Variants in PCYT1A observed in about 807,000 individuals in gnomAD.
PCYT1A encodes choline-phosphate cytidylyltransferase A.
Under a neutral mutation model 43.7 loss-of-function variants are expected in PCYT1A, and 25 were observed. That is an observed-to-expected ratio of 0.57 (90% confidence interval 0.42 to 0.80). PCYT1A has a LOEUF of 0.80. PCYT1A is among the 30% of genes least tolerant of loss of function. The pLI is 0.00. For synonymous variants in PCYT1A, 172 were observed against 170.7 expected, an observed-to-expected ratio of 1.01 and a Z score of -0.06; for missense variants, 421 against 474.2, an observed-to-expected ratio of 0.89 and a Z score of 1.04.
intron 5 of PCYT1A, among the ~76,000 whole-genome samples, chr3:196,245,534 A>C (rs1429775072): frequency 6.6e-6 from 1 of 151,774 alleles, no homozygotes; most frequent in Admixed American, 6.6e-5. Context: ...AACTTCACTT[A>C]CTCCTTCCTG....
chr3:196,245,098 A>AAATAAAT (rs949866259), intron 5 of PCYT1A, among the ~76,000 whole-genome samples: 1 of 151,592 alleles, frequency 6.6e-6, no homozygotes, highest in African/African-American at 2.4e-5. Flanking sequence ...AAAAATACAT[A>AAATAAAT]AATAAATAAA....
In PCYT1A at chr3:196,238,451, G is replaced by GA. The variant is rs988140355; in HGVS notation, c.*236_*237insT. ...ACAGTGAAACAAAGCCCTTGGGGGG[G>GA]GGTAAATGGATGCAGAGCAGGCTTC... On this transcript the variant is annotated 3_prime_UTR_variant, in exon 9 of 9. Coordinates refer to ENST00000431016, the MANE Select transcript of PCYT1A (RefSeq NM_001312673.2). 8.2e-6 allele frequency: 3 copies of GA among 364,266 alleles called. No individual in the cohort carries two copies. The highest frequency in any genetic ancestry group is 4.2e-5 in the African/African-American group (2 of 47,750). 22.6% of individuals were successfully genotyped at this position (364,266 alleles called of 1,614,324 possible).
rs1404319157 is a variant in PCYT1A, at chr3:196,237,861, T to C, written c.*827A>G. ...TATTGTCCCGCTCCTCTCCTCATCA[T>C]TGTAACTCTAAAAGTGTTCCTTCCT... On this transcript the variant is annotated 3_prime_UTR_variant, in exon 9 of 9. Coordinates refer to ENST00000431016, the MANE Select transcript of PCYT1A (RefSeq NM_001312673.2). 2 of 152,224 alleles carry C rather than the reference T, an allele frequency of 1.3e-5. No individual in the cohort carries two copies. The highest frequency in any genetic ancestry group is 2.9e-5 in the Non-Finnish European group (2 of 68,044). The allele number at this position is 152,224 out of a possible 1,614,324, so 9.4% of individuals were successfully genotyped here. A position where few individuals can be genotyped will look rare whatever the true frequency, so the allele number is the denominator to read the frequency against.
rs150580969 is a variant in PCYT1A at position 196,262,919 on chromosome 3, C to T, written c.118-5032G>A. Among the ~76,000 whole-genome samples the T allele has an allele frequency of 2.9e-3, 447 of 151,868 alleles. 1 individual carries two copies. The highest frequency in any genetic ancestry group is 0.01 in the African/African-American group (433 of 41,394). ...AAGCGATTCTCCTGCCTCAGCCTCC[C>T]GAGTAGCTGGGATTACAGGCACCCA... On this transcript the variant is annotated intron_variant, in intron 2 of 8. Coordinates refer to ENST00000431016, the MANE Select transcript of PCYT1A (RefSeq NM_001312673.2).
chr3:196,278,171 G>A (rs1202829800), intron 1 of PCYT1A, among the ~76,000 whole-genome samples: 1 of 152,112 alleles, frequency 6.6e-6, no homozygotes, highest in Non-Finnish European at 1.5e-5. Flanking sequence ...TCCTAACATC[G>A]TGTTGGCTTC....
Position 196,236,065 on chromosome 3 carries a change from C to A in PCYT1A, c.*2623G>T, listed in dbSNP as rs1050483465. Reference sequence around the variant, plus strand: ...AGTTTCCCAATAACATGTACGTTTGCTGGCCCTAGCAGTCTCAGAGGCCTG... The same window carrying A: ...AGTTTCCCAATAACATGTACGTTTGATGGCCCTAGCAGTCTCAGAGGCCTG... On this transcript the variant is annotated 3_prime_UTR_variant, in exon 9 of 9. Coordinates refer to ENST00000431016, the MANE Select transcript of PCYT1A (RefSeq NM_001312673.2). The A allele has an allele frequency of 6.6e-6, 1 of 152,224 alleles. No homozygotes were observed. Among genetic ancestry groups the A allele is most frequent in the Admixed American group, 6.5e-5 (1 of 15,288 alleles). 9.4% of individuals were successfully genotyped at this position (152,224 alleles called of 1,614,324 possible).
At chr3:196,239,503 C>A in intron 8 of PCYT1A, 44 bp downstream of exon 8, 1 of 1,292,012 alleles carries the variant, frequency 7.7e-7, no homozygotes, top group South Asian at 1.2e-5. Context: ...TCATTCTTTC[C>A]ACAACATGGA....
intron 2 of PCYT1A, among the ~76,000 whole-genome samples, chr3:196,260,137 G>GACAT (rs1460996874): frequency 1.3e-5 from 2 of 151,594 alleles, no homozygotes; most frequent in Admixed American, 6.6e-5. Context: ...CGGCCAGGCT[G>GACAT]GTCTTGAACT....
intron 1 of PCYT1A, among the ~76,000 whole-genome samples, chr3:196,283,103 C>T (rs542899394): frequency 6.6e-6 from 1 of 152,234 alleles, no homozygotes; most frequent in African/African-American, 2.4e-5. Flanking sequence ...TTTGGGAGGC[C>T]GAGGCGGATG....
intron 1 of PCYT1A, among the ~76,000 whole-genome samples, chr3:196,271,618 GAGAA>G (rs889735024): frequency 3.6e-5 from 5 of 137,790 alleles, no homozygotes; most frequent in African/African-American, 1.4e-4. Flanking sequence ...TTTTTTTTTT[GAGAA>G]AGAGTCTCAC....
At chr3:196,246,401 CT>C (rs1039092568) in intron 5 of PCYT1A, among the ~76,000 whole-genome samples, 338 of 144,362 alleles carry the variant, frequency 2.3e-3, no homozygotes, top group Middle Eastern at 3.6e-3. Flanking sequence ...AAACCTGTGG[CT>C]TTTTTTTTTT....
In PCYT1A at chr3:196,238,645, G is replaced by C. The variant is rs367667172; in HGVS notation, c.*43C>G. 4.2e-5 allele frequency: 54 copies of C among 1,287,300 alleles called. No homozygotes were observed. The African/African-American group carries it at 6.6e-4, about 16-fold the overall frequency. The allele number at this position is 1,287,300 out of a possible 1,614,324, so 79.7% of individuals were successfully genotyped here. A position where few individuals can be genotyped will look rare whatever the true frequency, so the allele number is the denominator to read the frequency against. ...GGAATTCAACAGAGAGCTTCTGAAGGTAATGGGACAGAAAGGGAGGACAGG... is the reference window on the plus strand; with the variant it reads ...GGAATTCAACAGAGAGCTTCTGAAGCTAATGGGACAGAAAGGGAGGACAGG... On this transcript the variant is annotated 3_prime_UTR_variant, in exon 9 of 9. Transcript: ENST00000431016.
At chr3:196,239,787 T>G in intron 7 of PCYT1A, 52 bp from the exon 8 acceptor site, 1 of 1,249,718 alleles carries the variant, frequency 8.0e-7, no homozygotes, top group South Asian at 1.3e-5. Flanking sequence ...TAAACTTCTC[T>G]ACCATAAGAG....
In PCYT1A at chr3:196,247,940, G is replaced by T; in HGVS notation, c.334+267C>A. The T allele has an allele frequency of 1.9e-6, 1 of 518,444 alleles. No individual in the cohort carries two copies. The highest frequency in any genetic ancestry group is 3.5e-6 in the Non-Finnish European group (1 of 286,696). The allele number at this position is 518,444 out of a possible 1,614,324, so 32.1% of individuals were successfully genotyped here. A position where few individuals can be genotyped will look rare whatever the true frequency, so the allele number is the denominator to read the frequency against. ...AAATCTAAAGCAAATGTTTTAAAGT[G>T]GACAACGGAAGTCACGGCTGCTCCT... is the stretch of plus-strand genomic sequence containing the variant. On this transcript the variant is annotated intron_variant, in intron 4 of 8. Transcript: ENST00000431016. This position sits in a 1 kb window ranked among gnomAD's most constrained non-coding sequence, Gnocchi z 4.8.
intron 2 of PCYT1A, among the ~76,000 whole-genome samples, chr3:196,265,701 T>C (rs1227090647): frequency 2.6e-5 from 4 of 151,726 alleles, no homozygotes; most frequent in Non-Finnish European, 5.9e-5. Context: ...GGTGGGCGGA[T>C]AGCTTGAGCC....
rs1724232220 is a variant in PCYT1A, at chr3:196,238,339, C to CA, written c.*348dup. On this transcript the variant is annotated 3_prime_UTR_variant, in exon 9 of 9. Coordinates refer to ENST00000431016, the MANE Select transcript of PCYT1A (RefSeq NM_001312673.2). Reference sequence around the variant, plus strand: ...CCTTCTTCTGCCCACTCCTCAGGGGCAAAAAATTAGTTCTACATTTGAAAG... The same window carrying CA: ...CCTTCTTCTGCCCACTCCTCAGGGGCAAAAAAATTAGTTCTACATTTGAAAG... 5.9e-6 allele frequency: 1 copy of CA among 170,016 alleles called. No individual in the cohort carries two copies. Among genetic ancestry groups the CA allele is most frequent in the Admixed American group, 6.4e-5 (1 of 15,738 alleles). 10.5% of individuals were successfully genotyped at this position (170,016 alleles called of 1,614,324 possible).
intron 2 of PCYT1A, among the ~76,000 whole-genome samples, chr3:196,261,427 C>T (rs1272803257): frequency 6.6e-6 from 1 of 152,136 alleles, no homozygotes; most frequent in African/African-American, 2.4e-5. Context: ...GAGGCCGAGG[C>T]AGGCAGATCA....
chr3:196,278,506 G>A (rs1162300606), intron 1 of PCYT1A, among the ~76,000 whole-genome samples: 1 of 152,190 alleles, frequency 6.6e-6, no homozygotes, highest in Non-Finnish European at 1.5e-5. Context: ...AGCCAATACA[G>A]TAGGAGGCGA....
rs1445979622 is a variant in PCYT1A, at chr3:196,238,386, T to C, written c.*302A>G. 2.5e-5 allele frequency: 6 copies of C among 235,318 alleles called. No individual in the cohort carries two copies. Among genetic ancestry groups the C allele is most frequent in the Admixed American group, 5.7e-5 (1 of 17,670 alleles). 14.6% of individuals were successfully genotyped at this position (235,318 alleles called of 1,614,324 possible). ...AAAGACGAATTTTTTAAAAAATTAA[T>C]GAAAATGACAATTTCCCTGTTGAGA... On this transcript the variant is annotated 3_prime_UTR_variant, in exon 9 of 9. Coordinates refer to ENST00000431016, the MANE Select transcript of PCYT1A (RefSeq NM_001312673.2).
Sources: allele counts gnomAD v4.1 joint callset (sites outside exome capture counted in the v4.1 genomes callset), GRCh38; gene constraint gnomAD v4.1.1; non-coding constraint Gnocchi (gnomAD v3.1); transcripts MANE v1.5; gene names NCBI Gene and HGNC (gene_info 2026-07-23, HGNC 2026-07-21).